CHST11: variants seen among roughly 807,000 people sequenced by gnomAD.
CHST11 encodes the protein carbohydrate sulfotransferase 11.
A neutral mutation model predicts 30.4 loss-of-function variants in CHST11; 9 were observed. The observed-to-expected ratio is 0.30, with a 90% CI of 0.18 to 0.52. The LOEUF (loss-of-function observed/expected upper bound fraction) is 0.52. Ranked by LOEUF, CHST11 falls within the 20% of genes least tolerant of loss-of-function variation. The pLI, the probability that CHST11 is intolerant of heterozygous loss-of-function variation, is 0.97. For synonymous variants in CHST11, 152 were observed against 187.8 expected (o/e 0.81, Z 1.56); for missense variants, 348 against 460.6 (o/e 0.76, Z 2.24).
intron 2 of CHST11, among the ~76,000 whole-genome samples, chr12:104,730,223 C>T (rs547238298): frequency 5.9e-5 from 9 of 152,368 alleles, no homozygotes; most frequent in African/African-American, 2.2e-4. Flanking sequence ...CTGCCTCTGC[C>T]ACTCATTTAC....
intron 1 of CHST11, among the ~76,000 whole-genome samples, chr12:104,512,383 C>T (rs1033196399): frequency 1.3e-5 from 2 of 152,140 alleles, no homozygotes; most frequent in Non-Finnish European, 2.9e-5. Context: ...TATTTATTAT[C>T]GAGTGCCTGT....
chr12:104,695,132 C>T (rs1422520830), intron 2 of CHST11, among the ~76,000 whole-genome samples: 4 of 152,210 alleles, frequency 2.6e-5, no homozygotes, highest in African/African-American at 9.7e-5. Context: ...CTTTCACAAG[C>T]AACAGGATTT....
chr12:104,649,296 T>C (rs1345874042), intron 2 of CHST11, among the ~76,000 whole-genome samples: 2 of 152,132 alleles, frequency 1.3e-5, no homozygotes. Context: ...TTATTAATAA[T>C]AATCTTAACA....
intron 1 of CHST11, among the ~76,000 whole-genome samples, chr12:104,539,281 C>A (rs2038266227): frequency 6.6e-6 from 1 of 152,188 alleles, no homozygotes; most frequent in Admixed American, 6.6e-5. Flanking sequence ...CTTCACTTCT[C>A]TGTCTCTGCA....
At chr12:104,667,980 AT>A (rs1235390166) in intron 2 of CHST11, among the ~76,000 whole-genome samples, 3 of 152,274 alleles carry the variant, frequency 2.0e-5, no homozygotes, top group African/African-American at 7.2e-5. Context: ...AAGGAACTGG[AT>A]TCATGGGGTT....
At chr12:104,655,268 C>T (rs78340106) in intron 2 of CHST11, among the ~76,000 whole-genome samples, 2,391 of 152,356 alleles carry the variant, frequency 0.016, 54 homozygotes, top group African/African-American at 0.046. Flanking sequence ...TCCCCCTGAC[C>T]TTCGCGCCGG....
rs1041190740 is a variant in CHST11 at position 104,670,868 on chromosome 12, A to G, written c.204+68877A>G. On this transcript the variant is annotated intron_variant, in intron 2 of 2. Transcript: ENST00000303694. ...CCACACATACCCCCCACACCTATAC[A>G]TATACACCAACAGAAACACACACAT... Among the ~76,000 whole-genome samples, 6 of 151,698 alleles carry G rather than the reference A, an allele frequency of 4.0e-5. No individual in the cohort carries two copies. The East Asian group carries it at 1.2e-3, about 30-fold the overall frequency.
chr12:104,604,333 TG>T (rs1215401526), intron 2 of CHST11, among the ~76,000 whole-genome samples: 1 of 152,136 alleles, frequency 6.6e-6, no homozygotes, highest in Admixed American at 6.5e-5. Flanking sequence ...AAGGACGTCT[TG>T]GGCAAGTTGT....
intron 1 of CHST11, among the ~76,000 whole-genome samples, chr12:104,505,697 A>C (rs1348319979): frequency 6.6e-6 from 1 of 152,204 alleles, no homozygotes; most frequent in Admixed American, 6.5e-5. Context: ...CTTAGGGCCA[A>C]ATTAGATAAT....
chr12:104,648,183 C>T (rs745680867), intron 2 of CHST11, among the ~76,000 whole-genome samples: 1 of 152,200 alleles, frequency 6.6e-6, no homozygotes, highest in Non-Finnish European at 1.5e-5. Flanking sequence ...ATTGCTTCTT[C>T]ACCAGTCCCC....
At chr12:104,500,981 C>A (rs2037848385) in intron 1 of CHST11, among the ~76,000 whole-genome samples, 1 of 152,122 alleles carries the variant, frequency 6.6e-6, no homozygotes. Context: ...GGATGGAGCC[C>A]TTTGATTCCA....
At chr12:104,604,498 C>T (rs2136048894) in intron 2 of CHST11, among the ~76,000 whole-genome samples, 1 of 152,288 alleles carries the variant, frequency 6.6e-6, no homozygotes, top group South Asian at 2.1e-4. Flanking sequence ...GAGAAACTGT[C>T]TTGGTGATCA....
At chr12:104,621,978 T>C (rs2039163846) in intron 2 of CHST11, among the ~76,000 whole-genome samples, 2 of 152,346 alleles carry the variant, frequency 1.3e-5, no homozygotes, top group South Asian at 4.1e-4. Context: ...GTGGTGATAC[T>C]GCCTTTTTCA....
At chr12:104,604,527 A>G (rs2038984970) in intron 2 of CHST11, among the ~76,000 whole-genome samples, 1 of 152,192 alleles carries the variant, frequency 6.6e-6, no homozygotes, top group South Asian at 2.1e-4. Context: ...GCTGTGGGCC[A>G]GGGAGTTGAG....
chr12:104,629,023 G>C (rs1178749647), intron 2 of CHST11, among the ~76,000 whole-genome samples: 1 of 152,174 alleles, frequency 6.6e-6, no homozygotes, highest in Non-Finnish European at 1.5e-5. Flanking sequence ...GGCACCCCAA[G>C]CTTCCTAAGA....
intron 2 of CHST11, among the ~76,000 whole-genome samples, chr12:104,624,749 G>C (rs543528107): frequency 2.0e-5 from 3 of 152,130 alleles, no homozygotes; most frequent in Non-Finnish European, 4.4e-5. Flanking sequence ...AACATACCAC[G>C]GACTGGGTGG....
chr12:104,672,493 A>G (rs996588256), intron 2 of CHST11, among the ~76,000 whole-genome samples: 2 of 152,246 alleles, frequency 1.3e-5, no homozygotes, highest in Non-Finnish European at 2.9e-5. Context: ...TTTATCAGCT[A>G]TCCCATGCCT....
At chr12:104,608,636 C>T (rs1280728821) in intron 2 of CHST11, among the ~76,000 whole-genome samples, 1 of 152,162 alleles carries the variant, frequency 6.6e-6, no homozygotes, top group East Asian at 1.9e-4. Flanking sequence ...TTTTACCACC[C>T]ACATGACACC....
At chr12:104,485,884 C>A (rs536580363) in intron 1 of CHST11, among the ~76,000 whole-genome samples, 54 of 152,352 alleles carry the variant, frequency 3.5e-4, no homozygotes, top group African/African-American at 1.2e-3. Flanking sequence ...GTTGTAATCA[C>A]TGATGCACCA....
Sources: allele counts gnomAD v4.1 joint callset (sites outside exome capture counted in the v4.1 genomes callset), GRCh38; gene constraint gnomAD v4.1.1; transcripts MANE v1.5; gene names NCBI Gene and HGNC (gene_info 2026-07-23, HGNC 2026-07-21).